The following MEIS2 variants were observed in gnomAD, a reference collection of about 807,000 sequenced individuals.
The protein encoded by MEIS2 is Meis homeobox 2, also known as homeobox protein Meis2.
MEIS2 carries 9 observed loss-of-function variants against 58.6 expected under a neutral mutation model. That is an observed-to-expected ratio of 0.15 (90% CI 0.09 to 0.27). The LOEUF (loss-of-function observed/expected upper bound fraction) is 0.27, where lower values mean the gene tolerates loss of function less well. Among genes scored for constraint, MEIS2 ranks in the 10% least tolerant of loss-of-function variants. The probability of loss-of-function intolerance (pLI) is 1.00; values close to 1 mark genes in which losing one functional copy is unlikely to be tolerated. For synonymous variants in MEIS2, 221 were observed against 228.4 expected (o/e 0.97, Z 0.29); for missense variants, 427 against 635.0 (o/e 0.67, Z 3.52).
chr15:37,057,897 C>T (rs932422292), intron 7 of MEIS2, among the ~76,000 whole-genome samples: 1 of 152,050 alleles, frequency 6.6e-6, no homozygotes, highest in Non-Finnish European at 1.5e-5. Flanking sequence ...ATTAACCACA[C>T]GGGCGTGGAG....
chr15:37,078,805 T>C (rs969668162), intron 7 of MEIS2, among the ~76,000 whole-genome samples: 1 of 151,940 alleles, frequency 6.6e-6, no homozygotes, highest in Non-Finnish European at 1.5e-5. Flanking sequence ...CAAGTTTAAT[T>C]ACTACTCTAA....
chr15:37,099,273 C>T lies in MEIS2; in HGVS notation c.12+182G>A. On this transcript the variant is annotated intron_variant, in intron 1 of 11. Coordinates refer to ENST00000561208, the MANE Select transcript of MEIS2 (RefSeq NM_170675.5). Reference sequence around the variant, plus strand: ...GCACACACGCACGCACACACACTCGCACACACGCAGAGGCACGGGAGGGAA... The same window carrying T: ...GCACACACGCACGCACACACACTCGTACACACGCAGAGGCACGGGAGGGAA... 2.0e-6 allele frequency: 3 copies of T among 1,466,282 alleles called. No individual in the cohort carries two copies. In the South Asian group the frequency reaches 4.2e-5, roughly 21 times the overall value. 90.8% of individuals were successfully genotyped at this position (1,466,282 alleles called of 1,614,324 possible).
chr15:37,080,966 G>T (rs1892127343), intron 7 of MEIS2, among the ~76,000 whole-genome samples: 1 of 152,134 alleles, frequency 6.6e-6, no homozygotes, highest in Non-Finnish European at 1.5e-5. Context: ...ACTTTCACCT[G>T]TGTAACTGTA....
intron 8 of MEIS2, among the ~76,000 whole-genome samples, chr15:36,985,858 G>A (rs1567144787): frequency 6.6e-6 from 1 of 152,138 alleles, no homozygotes; most frequent in Non-Finnish European, 1.5e-5. Context: ...GCAGGCAGAT[G>A]GTGACAGAGT....
At chr15:37,036,553 A>G (rs1316605635) in intron 8 of MEIS2, 1 of 301,832 alleles carries the variant, frequency 3.3e-6, no homozygotes, top group Non-Finnish European at 6.0e-6. Flanking sequence ...AAATTTACTT[A>G]TATATGCTGT....
At chr15:36,938,308 A>G (rs2058250325) in intron 9 of MEIS2, among the ~76,000 whole-genome samples, 1 of 140,198 alleles carries the variant, frequency 7.1e-6, no homozygotes, top group Admixed American at 7.0e-5. Flanking sequence ...TGTTATTCTG[A>G]CCTCTTTCCC....
At chr15:37,093,382 A>C (rs561768700) in intron 6 of MEIS2, among the ~76,000 whole-genome samples, 199 bp downstream of exon 6, 1 of 152,234 alleles carries the variant, frequency 6.6e-6, no homozygotes, top group South Asian at 2.1e-4. Flanking sequence ...GGCTCTCAAC[A>C]TAAATAGGAG....
intron 8 of MEIS2, among the ~76,000 whole-genome samples, chr15:37,032,690 A>T (rs1168660914): frequency 1.3e-5 from 2 of 152,134 alleles, no homozygotes; most frequent in Non-Finnish European, 2.9e-5. Flanking sequence ...GTATACAGAA[A>T]GTTTTTGCTA....
intron 7 of MEIS2, among the ~76,000 whole-genome samples, chr15:37,074,360 T>C (rs887721811): frequency 6.6e-5 from 10 of 151,932 alleles, no homozygotes; most frequent in African/African-American, 2.2e-4. Context: ...GAAACAGAAA[T>C]ATTACTTCAC....
upstream of MEIS2, among the ~76,000 whole-genome samples, chr15:37,100,738 TGTGTGTTGCGCGCGCGCGCGCGC>T (rs1169431342): frequency 2.1e-5 from 3 of 145,810 alleles, no homozygotes; most frequent in Admixed American, 1.3e-4. Flanking sequence ...CGTGCGCGCG[TGTGTGTTGCGCGCGCGCGCGCGC>T]GAACAGGGAG....
At chr15:37,026,501 GTTATA>G (rs966177433) in intron 8 of MEIS2, among the ~76,000 whole-genome samples, 4 of 152,160 alleles carry the variant, frequency 2.6e-5, no homozygotes, top group African/African-American at 9.7e-5. Flanking sequence ...AATCTAGACA[GTTATA>G]TTATAATGTG....
chr15:37,042,064 T>C (rs77571065), intron 7 of MEIS2, among the ~76,000 whole-genome samples: 4,713 of 152,084 alleles, frequency 0.031, 252 homozygotes, highest in African/African-American at 0.11. Context: ...GGTGGGAGGA[T>C]GGCTTGATCC....
intron 9 of MEIS2, among the ~76,000 whole-genome samples, chr15:36,929,925 C>T (rs150102602): frequency 4.9e-4 from 74 of 151,896 alleles, no homozygotes; most frequent in African/African-American, 1.7e-3. Context: ...CACAGAGGCC[C>T]GGTGTGGTGG....
At chr15:36,929,774 A>G (rs1410413733) in intron 9 of MEIS2, among the ~76,000 whole-genome samples, 1 of 152,140 alleles carries the variant, frequency 6.6e-6, no homozygotes, top group Non-Finnish European at 1.5e-5. Flanking sequence ...CAGCAAACCT[A>G]TTTCTCCAAT....
intron 9 of MEIS2, among the ~76,000 whole-genome samples, chr15:36,944,363 C>A (rs2058483256): frequency 6.6e-6 from 1 of 152,046 alleles, no homozygotes. Flanking sequence ...ACCATGGAGA[C>A]AGAATGACTG....
intron 7 of MEIS2, among the ~76,000 whole-genome samples, chr15:37,040,470 G>T (rs1443430306): frequency 6.6e-6 from 1 of 152,168 alleles, no homozygotes; most frequent in Non-Finnish European, 1.5e-5. Context: ...GAACAGCTGA[G>T]TGGGTTACGT....
chr15:37,053,341 T>G (rs182034040), intron 7 of MEIS2, among the ~76,000 whole-genome samples: 2 of 152,206 alleles, frequency 1.3e-5, no homozygotes, highest in Non-Finnish European at 2.9e-5. Context: ...AAAAACCGGC[T>G]GACTCGACAC....
intron 9 of MEIS2, among the ~76,000 whole-genome samples, chr15:36,935,651 T>C (rs2058139665): frequency 6.6e-6 from 1 of 152,200 alleles, no homozygotes; most frequent in African/African-American, 2.4e-5. Context: ...CTTTCTGAGA[T>C]AATTTAACAA....
At chr15:36,930,395 G>C (rs754319844) in intron 9 of MEIS2, among the ~76,000 whole-genome samples, 3 of 152,000 alleles carry the variant, frequency 2.0e-5, no homozygotes, top group Admixed American at 6.6e-5. Context: ...ACTGAGGCTG[G>C]CAAGGGTCAC....
Sources: allele counts gnomAD v4.1 joint callset (sites outside exome capture counted in the v4.1 genomes callset), GRCh38; gene constraint gnomAD v4.1.1; transcripts MANE v1.5; gene names NCBI Gene and HGNC (gene_info 2026-07-23, HGNC 2026-07-21).